Variants in SLCO6A1 observed in about 807,000 individuals in gnomAD.
The protein encoded by SLCO6A1 is solute carrier organic anion transporter family member 6A1, also known as cancer/testis antigen 48.
Under a neutral mutation model 72.7 loss-of-function variants are expected in SLCO6A1, and 65 were observed. That is an observed-to-expected ratio of 0.89 (90% confidence interval 0.73 to 1.10). SLCO6A1 has a LOEUF of 1.10. Among genes scored for constraint, SLCO6A1 ranks in the 50% least tolerant of loss-of-function variants. The pLI is 0.00. For missense variants in SLCO6A1, 874 were observed against 872.6 expected (o/e 1.00, Z -0.02); for synonymous variants, 314 against 298.2 (o/e 1.05, Z -0.55).
intron 12 of SLCO6A1, among the ~76,000 whole-genome samples, chr5:102,375,278 A>T (rs1228872785): frequency 1.3e-5 from 2 of 152,152 alleles, no homozygotes; most frequent in African/African-American, 4.8e-5. Flanking sequence ...CTAAAGCACT[A>T]CTATAAGACA....
At chr5:102,455,830 C>T (rs1448017604) in intron 6 of SLCO6A1, among the ~76,000 whole-genome samples, 1 of 151,988 alleles carries the variant, frequency 6.6e-6, no homozygotes, top group Non-Finnish European at 1.5e-5. Context: ...TAAAAGACTT[C>T]AAAAGTCTTG....
intron 12 of SLCO6A1, among the ~76,000 whole-genome samples, chr5:102,382,619 T>C (rs563367336): frequency 6.6e-6 from 1 of 151,656 alleles, no homozygotes; most frequent in East Asian, 1.9e-4. Flanking sequence ...TCTATGAACA[T>C]AGGATATTTC....
At chr5:102,461,535 A>G (rs931107425) in intron 4 of SLCO6A1, among the ~76,000 whole-genome samples, 1 of 152,172 alleles carries the variant, frequency 6.6e-6, no homozygotes, top group African/African-American at 2.4e-5. Flanking sequence ...AGCTTTAGTA[A>G]CTAAAATATT....
intron 6 of SLCO6A1, among the ~76,000 whole-genome samples, chr5:102,439,933 C>T (rs1191073137): frequency 6.6e-6 from 1 of 152,104 alleles, no homozygotes; most frequent in Non-Finnish European, 1.5e-5. Flanking sequence ...GTCATTTCCA[C>T]ATAAAAAGGT....
intron 6 of SLCO6A1, among the ~76,000 whole-genome samples, chr5:102,457,955 C>T (rs925435926): frequency 2.0e-5 from 3 of 152,136 alleles, no homozygotes; most frequent in Admixed American, 6.5e-5. Context: ...TTTGTAGGGA[C>T]ATGGATGAAG....
chr5:102,391,173 G>T, intron 10 of SLCO6A1, 128 bp from the exon 11 acceptor site: 1 of 859,984 alleles, frequency 1.2e-6, no homozygotes, highest in Non-Finnish European at 1.9e-6. Flanking sequence ...TTAGCCAATT[G>T]ACAGAGTTTA....
intron 10 of SLCO6A1, among the ~76,000 whole-genome samples, chr5:102,398,679 GA>G (rs1046923032): frequency 6.6e-6 from 1 of 152,100 alleles, no homozygotes; most frequent in Non-Finnish European, 1.5e-5. Context: ...GTGTTAATGT[GA>G]ATTGGGCCCT....
Position 102,498,429 on chromosome 5 carries a change from C to T in SLCO6A1, c.358+58G>A, listed in dbSNP as rs1306472438. On this transcript the variant is annotated intron_variant, in intron 1 of 13. Transcript: ENST00000506729. Reference sequence around the variant, plus strand: ...TCCTCCGCCATACTCCCTCTCCCGCCTCCGCCAGTGCGGCCCCAGCTGCCC... The same window carrying T: ...TCCTCCGCCATACTCCCTCTCCCGCTTCCGCCAGTGCGGCCCCAGCTGCCC... The T allele has an allele frequency of 5.9e-6, 9 of 1,522,792 alleles. No homozygotes were observed. In the African/African-American group the frequency reaches 9.6e-5, roughly 16 times the overall value. 94.3% of individuals were successfully genotyped at this position (1,522,792 alleles called of 1,614,324 possible). A position where few individuals can be genotyped will look rare whatever the true frequency, so the allele number is the denominator to read the frequency against.
intron 6 of SLCO6A1, among the ~76,000 whole-genome samples, chr5:102,452,269 C>A (rs1348050893): frequency 6.6e-6 from 1 of 152,156 alleles, no homozygotes; most frequent in Non-Finnish European, 1.5e-5. Flanking sequence ...AGCTTTTCCT[C>A]TATAAAATAT....
intron 13 of SLCO6A1, among the ~76,000 whole-genome samples, chr5:102,373,064 T>C (rs1750710953): frequency 6.6e-6 from 1 of 151,856 alleles, no homozygotes; most frequent in South Asian, 2.1e-4. Context: ...TAATGGGCTA[T>C]CACGTCAGTT....
At chr5:102,402,460 CTA>C (rs1747451514) in intron 9 of SLCO6A1, among the ~76,000 whole-genome samples, 2 of 152,256 alleles carry the variant, frequency 1.3e-5, no homozygotes, top group South Asian at 2.1e-4. Context: ...GGAAAATGGT[CTA>C]AAAGTACTAA....
chr5:102,466,377 T>A (rs1401503062), intron 4 of SLCO6A1, among the ~76,000 whole-genome samples: 2 of 152,176 alleles, frequency 1.3e-5, no homozygotes, highest in Non-Finnish European at 2.9e-5. Context: ...TATGGCTGCA[T>A]AGTATTCCCT....
At chr5:102,425,336 G>A (rs535728263) in intron 7 of SLCO6A1, among the ~76,000 whole-genome samples, 48 of 152,248 alleles carry the variant, frequency 3.2e-4, no homozygotes, top group Middle Eastern at 3.4e-3. Context: ...AATTATCTCT[G>A]TTTGCAGATA....
intron 6 of SLCO6A1, among the ~76,000 whole-genome samples, chr5:102,451,607 C>G (rs958644048): frequency 6.6e-6 from 1 of 152,176 alleles, no homozygotes; most frequent in African/African-American, 2.4e-5. Context: ...CCCAGGGTTG[C>G]AAAGATCTGT....
At chr5:102,391,540 C>T (rs1746759971) in intron 10 of SLCO6A1, among the ~76,000 whole-genome samples, 1 of 152,062 alleles carries the variant, frequency 6.6e-6, no homozygotes, top group African/African-American at 2.4e-5. Context: ...AAAGTGAGGT[C>T]AAGATTTGTA....
chr5:102,442,448 G>T (rs182072668), intron 6 of SLCO6A1, among the ~76,000 whole-genome samples: 1 of 152,046 alleles, frequency 6.6e-6, no homozygotes, highest in African/African-American at 2.4e-5. Flanking sequence ...TACATGTAAT[G>T]GTTTAATACA....
intron 4 of SLCO6A1, among the ~76,000 whole-genome samples, chr5:102,468,512 C>A (rs545415606): frequency 9.2e-5 from 14 of 152,032 alleles, no homozygotes; most frequent in African/African-American, 3.4e-4. Context: ...TTAGGAGCTC[C>A]AGCATTAAGT....
At chr5:102,392,836 T>G (rs953515330) in intron 10 of SLCO6A1, among the ~76,000 whole-genome samples, 1 of 152,064 alleles carries the variant, frequency 6.6e-6, no homozygotes, top group Non-Finnish European at 1.5e-5. Context: ...GCCTCTAAAT[T>G]TATATTTTTA....
Position 102,412,976 on chromosome 5 carries a change from TA to T in SLCO6A1, c.1626+13del. ...AATGTATAACAAAACATAATAATTA[TA>T]AAAAATAATTACCTTTTTTTGGTTT... On this transcript the variant is annotated intron_variant, in intron 9 of 13. Transcript: ENST00000506729. 3 of 1,184,624 alleles carry T rather than the reference TA, an allele frequency of 2.5e-6. No homozygotes were observed. The highest frequency in any genetic ancestry group is 3.3e-6 in the Non-Finnish European group (3 of 907,004). The allele number at this position is 1,184,624 out of a possible 1,614,324, so 73.4% of individuals were successfully genotyped here.
Sources: gnomAD v4.1 joint callset for allele counts (sites outside exome capture counted in the v4.1 genomes callset) on GRCh38, gnomAD v4.1.1 for gene constraint, MANE v1.5 for transcripts, NCBI Gene and HGNC (gene_info 2026-07-23, HGNC 2026-07-21) for gene names.